SMURF1: variants seen among roughly 807,000 people sequenced by gnomAD.
The protein encoded by SMURF1 is E3 ubiquitin-protein ligase SMURF1.
Under a neutral mutation model 98.0 loss-of-function variants are expected in SMURF1, and 44 were observed. The observed-to-expected ratio is 0.45, with a 90% CI of 0.35 to 0.58. The LOEUF is 0.58. Ranked by LOEUF, SMURF1 falls within the 20% of genes least tolerant of loss-of-function variation. The probability of loss-of-function intolerance (pLI) is 0.00; values close to 1 mark genes in which losing one functional copy is unlikely to be tolerated. For synonymous variants in SMURF1, 396 were observed against 374.9 expected, an observed-to-expected ratio of 1.06 and a Z score of -0.65; for missense variants, 687 against 938.4, an observed-to-expected ratio of 0.73 and a Z score of 3.50.
rs577735332 is a variant in SMURF1, at chr7:99,075,014, T to TA, written c.56-13178dup. Among the ~76,000 whole-genome samples the TA allele has an allele frequency of 2.2e-3, 335 of 152,312 alleles. 3 individuals are homozygous for TA. The highest frequency in any genetic ancestry group is 7.6e-3 in the African/African-American group (317 of 41,572). ...CCACAGTAAGGTACCACCACATACCTACTAGAATTGCTAAAATTAAAAAGA... is the reference window on the plus strand; with the variant it reads ...CCACAGTAAGGTACCACCACATACCTAACTAGAATTGCTAAAATTAAAAAGA... On this transcript the variant is annotated intron_variant, in intron 1 of 17. Transcript: ENST00000361368.
intron 10 of SMURF1, 116 bp from the exon 11 acceptor site, chr7:99,045,917 T>C (rs940288317): frequency 1.2e-5 from 9 of 723,458 alleles, no homozygotes; most frequent in Non-Finnish European, 2.2e-5. Context: ...TCAAGTTTTA[T>C]CTGGCTCCTC....
intron 3 of SMURF1, 59 bp from the exon 4 acceptor site, chr7:99,057,610 T>TTG (rs1563009473): frequency 2.8e-5 from 37 of 1,333,676 alleles, no homozygotes; most frequent in African/African-American, 1.5e-4. Flanking sequence ...GTTTTGTTTT[T>TTG]TTTTTTTTTT....
chr7:99,047,436 AAG>A (rs1795620306), intron 10 of SMURF1, among the ~76,000 whole-genome samples: 1 of 152,156 alleles, frequency 6.6e-6, no homozygotes. Context: ...TTTTTACCAT[AAG>A]AGGAAATGAA....
At chr7:99,056,724 C>T (rs1389995951) in intron 5 of SMURF1, among the ~76,000 whole-genome samples, 2 of 152,210 alleles carry the variant, frequency 1.3e-5, no homozygotes, top group South Asian at 2.1e-4. Context: ...AGAAGGGGGC[C>T]GGGCATGGTG....
At chr7:99,072,253 G>C (rs891458264) in intron 1 of SMURF1, among the ~76,000 whole-genome samples, 7 of 152,088 alleles carry the variant, frequency 4.6e-5, no homozygotes, top group African/African-American at 1.7e-4. Flanking sequence ...CAAACTCTTG[G>C]TCTCAGCAAT....
At chr7:99,141,725 CAAAGT>C (rs1798121198) in intron 1 of SMURF1, among the ~76,000 whole-genome samples, 1 of 152,128 alleles carries the variant, frequency 6.6e-6, no homozygotes, top group Admixed American at 6.5e-5. Context: ...TATGGGCTCT[CAAAGT>C]AAATTTTAGT....
chr7:99,113,709 G>A (rs911157858), intron 1 of SMURF1, among the ~76,000 whole-genome samples: 14 of 151,700 alleles, frequency 9.2e-5, no homozygotes, highest in South Asian at 2.1e-4. Flanking sequence ...GTGTGGTGGC[G>A]GGGCCTGTGG....
rs765311429 is a variant in SMURF1, at chr7:99,045,782, A to C, written c.1172T>G (p.Met391Arg). ...EIFEESYRQI[M>R]KMRPKDLKKR... The stretch of plus-strand genomic sequence containing the variant: ...TTTCAAGTCTTTCGGTCGCATCTTC[A>C]TTATCTGGCGGTAAGACTCCTGAAG... Residue 391 changes from methionine (M) to arginine (R), a missense_variant, in exon 11 of 18, where the codon ATG (methionine) becomes AGG (arginine). Physicochemically the swap from Met to Arg is moderately conservative, Grantham distance 91. Around this residue, in one of 2 missense-constraint regions of SMURF1, gnomAD observed 415 missense variants for 508.4 expected, o/e 0.82. Coordinates refer to ENST00000361368, the MANE Select transcript of SMURF1 (RefSeq NM_181349.3). The C allele has an allele frequency of 6.2e-7, 1 of 1,614,086 alleles. No individual in the cohort carries two copies. Among genetic ancestry groups the C allele is most frequent in the South Asian group, 1.1e-5 (1 of 91,090 alleles).
At chr7:99,093,831 A>G (rs1031240622) in intron 1 of SMURF1, among the ~76,000 whole-genome samples, 10 of 152,132 alleles carry the variant, frequency 6.6e-5, no homozygotes, top group South Asian at 2.1e-4. Flanking sequence ...TAAATTGATC[A>G]TAAGTAAATT....
At chr7:99,051,493 T>A in intron 7 of SMURF1, 52 bp from the exon 8 acceptor site, 1 of 1,434,686 alleles carries the variant, frequency 7.0e-7, no homozygotes, top group South Asian at 1.1e-5. Context: ...CCAGGGAGAG[T>A]TTGTAACCAA....
At chr7:99,051,296 T>C (rs533573031) in intron 8 of SMURF1, 61 bp downstream of exon 8, 32 of 1,294,456 alleles carry the variant, frequency 2.5e-5, no homozygotes, top group African/African-American at 1.2e-4. Context: ...CTGGAAGGTA[T>C]TGGCTTTTCA....
chr7:99,028,807 T>A lies in SMURF1; in HGVS notation c.*1777A>T, dbSNP rs959694340. 1.3e-5 allele frequency: 2 copies of A among 151,906 alleles called. No homozygotes were observed. Among genetic ancestry groups the A allele is most frequent in the Non-Finnish European group, 2.9e-5 (2 of 67,974 alleles). The allele number at this position is 151,906 out of a possible 1,614,324, so 9.4% of individuals were successfully genotyped here. A position where few individuals can be genotyped will look rare whatever the true frequency, so the allele number is the denominator to read the frequency against. ...CGCGGGTTAGGCTCGTGATAGAGAG[T>A]GGGCTGTCCGGGGGAGGTCTGTAGT... On this transcript the variant is annotated 3_prime_UTR_variant, in exon 18 of 18. Coordinates refer to ENST00000361368, the MANE Select transcript of SMURF1 (RefSeq NM_181349.3).
chr7:99,038,614 C>G, intron 13 of SMURF1, 89 bp from the exon 14 acceptor site: 6 of 1,500,602 alleles, frequency 4.0e-6, no homozygotes, highest in Non-Finnish European at 5.4e-6. Context: ...GACTGCCAAA[C>G]CCGGGGCTGC....
Position 99,083,817 on chromosome 7 carries a change from G to A in SMURF1, c.56-21980C>T, listed in dbSNP as rs1796620890. On this transcript the variant is annotated intron_variant, in intron 1 of 17. Transcript: ENST00000361368. The stretch of plus-strand genomic sequence containing the variant: ...TTAATGGTTCACAGACCAGGACATG[G>A]AAATGTTTACTTTTGGGTCTTTCTT... 2.6e-5 allele frequency among the ~76,000 whole-genome samples: 4 copies of A among 152,274 alleles called. No individual in the cohort carries two copies. The South Asian group carries it at 8.3e-4, about 32-fold the overall frequency.
chr7:99,037,426 T>TGGGGTTTC (rs1795188056), intron 14 of SMURF1, among the ~76,000 whole-genome samples: 1 of 152,144 alleles, frequency 6.6e-6, no homozygotes, highest in South Asian at 2.1e-4. Flanking sequence ...TTAGTGGAGA[T>TGGGGTTTC]GGGGTTTCAC....
chr7:99,071,910 T>TAA (rs558395939), intron 1 of SMURF1, among the ~76,000 whole-genome samples: 9 of 142,650 alleles, frequency 6.3e-5, no homozygotes, highest in African/African-American at 1.8e-4. Flanking sequence ...CACTGTATCT[T>TAA]AAAAAAAAAA....
At chr7:99,095,111 ACT>A (rs1796922568) in intron 1 of SMURF1, among the ~76,000 whole-genome samples, 1 of 151,702 alleles carries the variant, frequency 6.6e-6, no homozygotes, top group African/African-American at 2.4e-5. Flanking sequence ...ATGGAGTCTC[ACT>A]CTGTCACCCA....
intron 5 of SMURF1, among the ~76,000 whole-genome samples, chr7:99,055,470 A>G (rs954217767): frequency 1.3e-5 from 2 of 151,734 alleles, no homozygotes; most frequent in South Asian, 4.2e-4. Flanking sequence ...TCTGTCTCCA[A>G]AAAAAATTAA....
chr7:99,033,487 T>C (rs1794999159), intron 16 of SMURF1, among the ~76,000 whole-genome samples: 2 of 152,306 alleles, frequency 1.3e-5, no homozygotes, highest in Middle Eastern at 6.8e-3. Flanking sequence ...GTATTTTTAG[T>C]AGAGACGGGG....
Sources: gnomAD v4.1 joint callset for allele counts (sites outside exome capture counted in the v4.1 genomes callset) on GRCh38, gnomAD v4.1.1 for gene constraint, gnomAD v4.1.1 regional missense constraint, MANE v1.5 for transcripts, NCBI Gene and HGNC (gene_info 2026-07-23, HGNC 2026-07-21) for gene names.